Variants in COL22A1 observed in about 807,000 individuals in gnomAD.
The protein encoded by COL22A1 is collagen type XXII alpha 1 chain, also known as collagen alpha-1(XXII) chain.
In COL22A1, 221 loss-of-function variants were observed where a neutral mutation model predicts 248.9. That is an observed-to-expected ratio of 0.89 (90% CI 0.80 to 0.99). The LOEUF is 0.99. Among genes scored for constraint, COL22A1 ranks in the 50% least tolerant of loss-of-function variants. The probability of loss-of-function intolerance (pLI) is 0.00; values close to 1 mark genes in which losing one functional copy is unlikely to be tolerated. For missense variants in COL22A1, 2,240 were observed against 2,179.0 expected (o/e 1.03, Z -0.56); for synonymous variants, 891 against 793.4 (o/e 1.12, Z -2.07).
chr8:138,870,141 T>C (rs894185382), intron 3 of COL22A1, among the ~76,000 whole-genome samples: 3 of 151,662 alleles, frequency 2.0e-5, no homozygotes, highest in Non-Finnish European at 4.4e-5. Flanking sequence ...GAGGGTCTTA[T>C]GTGCATGGTG....
In COL22A1 at chr8:138,690,856, C is replaced by T. The variant is rs763555999; in HGVS notation, c.2773G>A (p.Gly925Ser). The change falls in exon 36 of 65, where the codon GGT becomes AGT. Residue 925 changes from glycine (G) to serine (S), a missense_variant. Coordinates refer to ENST00000303045, the MANE Select transcript of COL22A1 (RefSeq NM_152888.3). The stretch of plus-strand genomic sequence containing the variant: ...GGAGGGCCACTGGGACCGGGGGCAC[C>T]GACATGTCCGGGAGCACCCTGTTCA... ...AGNPGAPGHV[G>S]APGPSGPPGS... 6 of 1,610,046 alleles carry T rather than the reference C, an allele frequency of 3.7e-6. No individual in the cohort carries two copies. Among genetic ancestry groups the T allele is most frequent in the Middle Eastern group, 1.6e-4 (1 of 6,076 alleles).
chr8:138,867,222 G>A (rs1025899052), intron 3 of COL22A1, among the ~76,000 whole-genome samples: 1 of 152,218 alleles, frequency 6.6e-6, no homozygotes, highest in Non-Finnish European at 1.5e-5. Flanking sequence ...TCTGGCCAGT[G>A]ATCTGGCCTT....
chr8:138,678,354 G>A (rs1219439543), intron 40 of COL22A1, among the ~76,000 whole-genome samples: 1 of 152,132 alleles, frequency 6.6e-6, no homozygotes, highest in African/African-American at 2.4e-5. Flanking sequence ...GGGCCTCTGA[G>A]TCACACTACC....
In COL22A1 at chr8:138,653,911, T is replaced by G. The variant is rs752952003; in HGVS notation, c.3333+1986A>C. ...CATCCCAGGCTGTTGACTATAGAAT[T>G]TCCAGGCAAAGCTCAGCTCTGTGGG... is the stretch of plus-strand genomic sequence containing the variant. On this transcript the variant is annotated intron_variant, in intron 45 of 64. Coordinates refer to ENST00000303045, the MANE Select transcript of COL22A1 (RefSeq NM_152888.3). Among the ~76,000 whole-genome samples the G allele has an allele frequency of 1.2e-3, 182 of 152,232 alleles. 1 individual carries two copies. Among genetic ancestry groups the G allele is most frequent in the Non-Finnish European group, 5.9e-4 (40 of 68,016 alleles).
intron 5 of COL22A1, among the ~76,000 whole-genome samples, chr8:138,829,286 C>G (rs1415553055): frequency 6.6e-6 from 1 of 152,134 alleles, no homozygotes; most frequent in Non-Finnish European, 1.5e-5. Context: ...ACTGCCCATG[C>G]AGGAGGAAGA....
chr8:138,743,057 GTGA>G (rs1424649785), intron 22 of COL22A1, among the ~76,000 whole-genome samples: 2 of 150,596 alleles, frequency 1.3e-5, no homozygotes, highest in East Asian at 2.0e-4. Context: ...GGTAGTGATT[GTGA>G]TGATGATGGT....
intron 3 of COL22A1, among the ~76,000 whole-genome samples, chr8:138,871,213 G>A (rs896042428): frequency 2.6e-5 from 4 of 152,148 alleles, no homozygotes; most frequent in African/African-American, 9.7e-5. Context: ...TCTTCAAAGG[G>A]AAAGATAATT....
intron 10 of COL22A1, among the ~76,000 whole-genome samples, chr8:138,807,051 G>T (rs191501011): frequency 2.0e-5 from 3 of 152,258 alleles, no homozygotes; most frequent in East Asian, 1.9e-4. Flanking sequence ...GGAGAAATAG[G>T]GGGGAGAACA....
At position 138,690,979 on chromosome 8, in the gene COL22A1, G is replaced by A. The variant is rs1826801126; in HGVS notation, c.2755-105C>T. 4 of 869,604 alleles carry A rather than the reference G, an allele frequency of 4.6e-6. No individual in the cohort carries two copies. The South Asian group carries it at 6.2e-5, about 14-fold the overall frequency. The allele number at this position is 869,604 out of a possible 1,614,324, so 53.9% of individuals were successfully genotyped here. On this transcript the variant is annotated intron_variant, in intron 35 of 64. Transcript: ENST00000303045. Reference sequence around the variant, plus strand: ...CATACTCAATTCACCGCAATGTGCTGGAACTGCTGCTGACCTGACAGCCTC... The same window carrying A: ...CATACTCAATTCACCGCAATGTGCTAGAACTGCTGCTGACCTGACAGCCTC...
chr8:138,690,206 C>T (rs763440435), intron 36 of COL22A1, among the ~76,000 whole-genome samples: 2 of 152,168 alleles, frequency 1.3e-5, no homozygotes, highest in African/African-American at 4.8e-5. Flanking sequence ...AGGGGAAAAA[C>T]GCTTTGTTGC....
At chr8:138,642,742 C>T (rs1821826151) in intron 47 of COL22A1, among the ~76,000 whole-genome samples, 1 of 152,124 alleles carries the variant, frequency 6.6e-6, no homozygotes, top group Non-Finnish European at 1.5e-5. Context: ...TGAATAAAGA[C>T]AATTCTAGCC....
At chr8:138,670,994 G>T (rs1333056592) in intron 41 of COL22A1, among the ~76,000 whole-genome samples, 1 of 138,424 alleles carries the variant, frequency 7.2e-6, no homozygotes, top group African/African-American at 2.5e-5. Flanking sequence ...AAAGCCACTG[G>T]TGAGTGTGAA....
At chr8:138,745,527 T>C (rs1447260685) in intron 22 of COL22A1, among the ~76,000 whole-genome samples, 3 of 152,252 alleles carry the variant, frequency 2.0e-5, no homozygotes, top group Non-Finnish European at 2.9e-5. Context: ...ATGTATGTTT[T>C]ACAGGTGTGA....
chr8:138,849,216 C>T (rs1322009735), intron 3 of COL22A1, among the ~76,000 whole-genome samples: 2 of 152,196 alleles, frequency 1.3e-5, no homozygotes, highest in Non-Finnish European at 2.9e-5. Context: ...CTAGGTCCTG[C>T]ACTGGGAATG....
intron 10 of COL22A1, among the ~76,000 whole-genome samples, chr8:138,804,492 C>T (rs1013667983): frequency 5.3e-5 from 8 of 152,210 alleles, no homozygotes; most frequent in Non-Finnish European, 4.4e-5. Context: ...ACACAAATGT[C>T]TTCTACTGAG....
chr8:138,883,016 T>C, intron 2 of COL22A1, 66 bp downstream of exon 2: 1 of 1,388,306 alleles, frequency 7.2e-7, no homozygotes, highest in Non-Finnish European at 9.9e-7. Context: ...CCACAGCCCA[T>C]GCTCACGGAC....
chr8:138,658,294 C>T (rs1465775755), intron 44 of COL22A1, among the ~76,000 whole-genome samples: 1 of 152,220 alleles, frequency 6.6e-6, no homozygotes, highest in Admixed American at 6.5e-5. Flanking sequence ...TACCTCTACG[C>T]CCTTGGAATG....
chr8:138,698,345 G>A (rs568075103), intron 32 of COL22A1, among the ~76,000 whole-genome samples: 29 of 152,306 alleles, frequency 1.9e-4, no homozygotes, highest in African/African-American at 6.7e-4. Context: ...TTCCTATCTC[G>A]CTGGTAGGGC....
intron 25 of COL22A1, among the ~76,000 whole-genome samples, chr8:138,723,752 G>A (rs1830085547): frequency 6.6e-6 from 1 of 152,226 alleles, no homozygotes; most frequent in Non-Finnish European, 1.5e-5. Context: ...CTGAATTCAT[G>A]TCCAGTACCC....
Sources: gnomAD v4.1 joint callset for allele counts (sites outside exome capture counted in the v4.1 genomes callset) on GRCh38, gnomAD v4.1.1 for gene constraint, MANE v1.5 for transcripts, NCBI Gene and HGNC (gene_info 2026-07-23, HGNC 2026-07-21) for gene names.